C4orf36: variants seen among roughly 807,000 people sequenced by gnomAD.
C4orf36 encodes the protein chromosome 4 open reading frame 36.
In C4orf36, 11 loss-of-function variants were observed where a neutral mutation model predicts 12.2. The ratio of observed to expected loss-of-function variants is 0.90; its 90% confidence interval spans 0.57 to 1.49. The LOEUF is 1.49. Ranked by LOEUF, C4orf36 falls within the 40% of genes most tolerant of loss-of-function variation. The probability of loss-of-function intolerance (pLI) is 0.00; values close to 1 mark genes in which losing one functional copy is unlikely to be tolerated. For synonymous variants in C4orf36, 54 were observed against 51.3 expected, an observed-to-expected ratio of 1.05 and a Z score of -0.22; for missense variants, 137 against 133.9, an observed-to-expected ratio of 1.02 and a Z score of -0.11.
chr4:86,931,859 C>T, the C4orf36 span, among the ~76,000 whole-genome samples: 1 of 151,280 alleles, frequency 6.6e-6, no homozygotes, highest in Admixed American at 6.6e-5. Flanking sequence ...CATGGTGAAA[C>T]TCCGTCTCTA....
chr4:86,919,586 A>T, the C4orf36 span, among the ~76,000 whole-genome samples: 1 of 151,840 alleles, frequency 6.6e-6, no homozygotes, highest in African/African-American at 2.4e-5. Flanking sequence ...CAGCCTCCCA[A>T]AGTGCTCGGA....
the C4orf36 span, chr4:86,914,071 T>C: frequency 6.2e-7 from 1 of 1,610,546 alleles, no homozygotes; most frequent in Middle Eastern, 1.7e-4. Flanking sequence ...GTGGAGCGAA[T>C]TGGCTTTTTA....
chr4:86,905,447 G>A, the C4orf36 span, among the ~76,000 whole-genome samples: 1 of 151,746 alleles, frequency 6.6e-6, no homozygotes. Flanking sequence ...CAGGTACTTG[G>A]GAGGCTGAGG....
the C4orf36 span, chr4:86,924,880 C>T: frequency 6.6e-6 from 1 of 152,214 alleles, no homozygotes; most frequent in Admixed American, 6.5e-5. Flanking sequence ...ACTCATGGTT[C>T]TGCCAGCTTA....
At chr4:86,932,255 G>A in the C4orf36 span, 1 of 150,622 alleles carries the variant, frequency 6.6e-6, no homozygotes, top group East Asian at 1.9e-4. Context: ...GCTGAGGCAG[G>A]AGAATCGCTT....
the C4orf36 span, chr4:86,935,993 T>C: frequency 3.3e-5 from 5 of 152,086 alleles, no homozygotes; most frequent in Admixed American, 6.5e-5. Context: ...GTTACCTTAG[T>C]GTAATGGTAG....
upstream of C4orf36, among the ~76,000 whole-genome samples, chr4:86,897,216 C>T (rs1170765607): frequency 3.3e-5 from 5 of 151,992 alleles, no homozygotes; most frequent in Admixed American, 2.0e-4. Flanking sequence ...CAAAAATTAG[C>T]AGGGTGTGGT....
chr4:86,924,115 G>T, the C4orf36 span, among the ~76,000 whole-genome samples: 1 of 152,006 alleles, frequency 6.6e-6, no homozygotes, highest in Non-Finnish European at 1.5e-5. Flanking sequence ...ATCATAGCTT[G>T]CTGCAGCCTC....
Position 86,887,760 on chromosome 4 carries a change from T to C in C4orf36, c.354A>G (p.Ter118TrpextTer7), listed in dbSNP as rs765480206. The change falls in exon 4 of 5, where the codon TGA (stop) becomes TGG (tryptophan). Residue 118 changes from the stop codon to tryptophan, a stop_lost and splice_region_variant. Transcript: ENST00000295898. ...TACAGATTCAATCATGAACTGACTG[T>C]CATTTAGATGGAAGAGGTCTTCTCA... ...AGLRRPLPSK[*>W] 6.2e-7 allele frequency: 1 copy of C among 1,614,210 alleles called. No homozygotes were observed. Among genetic ancestry groups the C allele is most frequent in the East Asian group, 2.2e-5 (1 of 44,888 alleles).
intron 2 of C4orf36, among the ~76,000 whole-genome samples, chr4:86,889,086 A>C (rs1385910963): frequency 6.6e-6 from 1 of 152,194 alleles, no homozygotes; most frequent in Non-Finnish European, 1.5e-5. Context: ...ATGGTGGCTC[A>C]CGCCTGTAAT....
chr4:86,903,430 T>C, the C4orf36 span, among the ~76,000 whole-genome samples: 2 of 152,172 alleles, frequency 1.3e-5, no homozygotes, highest in African/African-American at 4.8e-5. Flanking sequence ...TTGGTCTCGC[T>C]GAATGAAGCC....
chr4:86,913,364 C>T, the C4orf36 span: 1 of 824,090 alleles, frequency 1.2e-6, no homozygotes, highest in African/African-American at 1.7e-5. Context: ...TTGCCCACCT[C>T]ATAAATAGAG....
At chr4:86,904,076 C>A in the C4orf36 span, among the ~76,000 whole-genome samples, 1 of 152,266 alleles carries the variant, frequency 6.6e-6, no homozygotes, top group Non-Finnish European at 1.5e-5. Context: ...AGAAGCCCAG[C>A]CAGCTTCACC....
At chr4:86,882,456 C>CA (rs1747071704) in intron 4 of C4orf36, among the ~76,000 whole-genome samples, 1 of 152,132 alleles carries the variant, frequency 6.6e-6, no homozygotes, top group Non-Finnish European at 1.5e-5. Flanking sequence ...GCTCAGTTGG[C>CA]ATGACAACTT....
chr4:86,927,078 CT>C, the C4orf36 span, among the ~76,000 whole-genome samples: 1 of 152,208 alleles, frequency 6.6e-6, no homozygotes, highest in South Asian at 2.1e-4. Flanking sequence ...CTATCTGGCC[CT>C]TTACAGAAAA....
chr4:86,912,622 G>A, the C4orf36 span, among the ~76,000 whole-genome samples: 2 of 152,124 alleles, frequency 1.3e-5, no homozygotes, highest in African/African-American at 2.4e-5. Context: ...GCAATATTTC[G>A]GTATGGTTTT....
the C4orf36 span, chr4:86,914,847 TG>T: frequency 2.3e-6 from 1 of 439,964 alleles, no homozygotes; most frequent in South Asian, 1.8e-5. Flanking sequence ...GAGAGAAAGC[TG>T]GGGTCGGGGG....
intron 2 of C4orf36, 45 bp downstream of exon 2, chr4:86,891,411 G>C (rs10011798): frequency 0.43 from 671,748 of 1,566,288 alleles, 148,332 homozygotes; most frequent in Non-Finnish European, 0.45. Context: ...ACTCCCCACC[G>C]CAGTCAATGC....
chr4:86,876,356 C>CG lies in C4orf36; in HGVS notation c.*89dup. On this transcript the variant is annotated 3_prime_UTR_variant, in exon 5 of 5. Transcript: ENST00000295898. The stretch of plus-strand genomic sequence containing the variant: ...AGGATGGCTGCAGCGCAGCGACGGC[C>CG]GGGGCCGGGAGCGGGTCCTGGGCGG... 6.4e-7 allele frequency: 1 copy of CG among 1,572,758 alleles called. No individual in the cohort carries two copies. The highest frequency in any genetic ancestry group is 2.3e-5 in the East Asian group (1 of 43,610).
Sources: allele counts gnomAD v4.1 joint callset (sites outside exome capture counted in the v4.1 genomes callset), GRCh38; gene constraint gnomAD v4.1.1; transcripts MANE v1.5; gene names NCBI Gene and HGNC (gene_info 2026-07-23, HGNC 2026-07-21).